Variants in UNKL observed in about 807,000 individuals in gnomAD.
UNKL encodes unk like zinc finger.
In UNKL, 60 loss-of-function variants were observed where a neutral mutation model predicts 78.0. That is an observed-to-expected ratio of 0.77 (90% CI 0.63 to 0.95). The LOEUF is 0.95. Among genes scored for constraint, UNKL ranks in the 40% least tolerant of loss-of-function variants. The pLI is 0.00. For synonymous variants in UNKL, 608 were observed against 474.8 expected (o/e 1.28, Z -3.65); for missense variants, 1,159 against 1,045.7 (o/e 1.11, Z -1.49).
Position 1,390,671 on chromosome 16 carries a change from G to A in UNKL, c.1047C>T (p.Ala349=), listed in dbSNP as rs921180308. 60 of 1,535,932 alleles carry A rather than the reference G, an allele frequency of 3.9e-5. No homozygotes were observed. The East Asian group carries it at 7.1e-4, about 18-fold the overall frequency. ...PGNAKRRDSP[A]EGGPRGSEQD... is the part of the protein sequence containing the mutation. ...GCTCGCTGCCCCTAGGGCCACCCTC[G>A]GCCGGCGAGTCTCTCCGCTTGGCCT... The change falls in exon 9 of 15, where the codon GCC becomes GCT. Residue 349 remains alanine (A), a synonymous_variant. Transcript: ENST00000389221.
intron 10 of UNKL, among the ~76,000 whole-genome samples, chr16:1,374,647 C>A (rs963141581): frequency 1.3e-5 from 2 of 152,114 alleles, no homozygotes; most frequent in East Asian, 1.9e-4. Context: ...CCCGCCCTCG[C>A]AGACCTCCTG....
intron 14 of UNKL, among the ~76,000 whole-genome samples, chr16:1,366,872 G>A (rs1489777092): frequency 6.6e-6 from 1 of 152,222 alleles, no homozygotes. Context: ...GGGTGAAAGG[G>A]CAAGGGCCAG....
intron 10 of UNKL, chr16:1,379,645 C>G (rs2036508366): frequency 4.1e-6 from 4 of 984,936 alleles, no homozygotes; most frequent in Non-Finnish European, 3.6e-6. Flanking sequence ...TGCTGACTCA[C>G]GGTCCGCGGC....
chr16:1,368,587 C>T (rs1448653130), intron 12 of UNKL, among the ~76,000 whole-genome samples: 2 of 108,416 alleles, frequency 1.8e-5, no homozygotes, highest in African/African-American at 3.7e-5. Flanking sequence ...CCGGCCTGGG[C>T]GACAGAATGA....
chr16:1,395,411 CTGCCTCGGCCTCCCAAAG>C (rs2037219122), intron 6 of UNKL, among the ~76,000 whole-genome samples: 1 of 151,944 alleles, frequency 6.6e-6, no homozygotes, highest in African/African-American at 2.4e-5. Flanking sequence ...GGTGATCTGC[CTGCCTCGGCCTCCCAAAG>C]TGCTGGGATT....
chr16:1,381,198 G>A, intron 10 of UNKL, among the ~76,000 whole-genome samples: 1 of 152,128 alleles, frequency 6.6e-6, no homozygotes, highest in Non-Finnish European at 1.5e-5. Flanking sequence ...AGTCCAAGAT[G>A]GTCTCTCTTG....
At chr16:1,394,424 C>T (rs970983328) in intron 6 of UNKL, 5 of 700,712 alleles carry the variant, frequency 7.1e-6, no homozygotes, top group Non-Finnish European at 1.3e-5. Flanking sequence ...GGAACACGCA[C>T]ACATGTGGGG....
rs200811933 is a variant in UNKL at position 1,367,343 on chromosome 16, C to T, written c.1795G>A (p.Asp599Asn). 5.2e-4 allele frequency: 808 copies of T among 1,541,992 alleles called. 3 individuals are homozygous for T. In the African/African-American group the frequency reaches 8.6e-3, roughly 16 times the overall value. ...ESWQQVKQVC[D>N]AWQREAQEAK... is the part of the protein sequence containing the mutation. ...TCCTGCGCCTCTCGCTGCCAGGCAT[C>T]GCAGACCTGAAACCCAGGGCCCGTC... The change falls in exon 14 of 15, where the codon GAT becomes AAT. Residue 599 changes from aspartate to asparagine, a missense_variant. Transcript: ENST00000389221.
chr16:1,381,972 C>A (rs1342703221), intron 10 of UNKL, among the ~76,000 whole-genome samples: 3 of 152,068 alleles, frequency 2.0e-5, no homozygotes, highest in Non-Finnish European at 4.4e-5. Flanking sequence ...TGAACAAAAA[C>A]AAACTCAGGG....
At chr16:1,396,908 C>T (rs1389734543) in intron 6 of UNKL, 2 of 476,916 alleles carry the variant, frequency 4.2e-6, no homozygotes, top group Non-Finnish European at 7.6e-6. Context: ...TTTTAATTGA[C>T]ATTTTCTCTC....
chr16:1,400,449 A>T (rs2037472610), intron 4 of UNKL, among the ~76,000 whole-genome samples: 1 of 126,132 alleles, frequency 7.9e-6, no homozygotes, highest in Middle Eastern at 4.6e-3. Context: ...AAAAAAAAAA[A>T]AAAAAATCGC....
In UNKL at chr16:1,397,228, C is replaced by T; in HGVS notation, c.802G>A (p.Asp268Asn). 4 of 1,545,158 alleles carry T rather than the reference C, an allele frequency of 2.6e-6. No individual in the cohort carries two copies. Among genetic ancestry groups the T allele is most frequent in the South Asian group, 1.2e-5 (1 of 83,984 alleles). Residue 268 changes from aspartate (D) to asparagine (N), a missense_variant, in exon 6 of 15, where the codon GAC becomes AAC. Asp to Asn is a conservative substitution (Grantham distance 23, BLOSUM62 1). Coordinates refer to ENST00000389221, the MANE Select transcript of UNKL (RefSeq NM_001372107.1). Reference sequence around the variant, plus strand: ...CGGGAGTGGCAATACTGGCAGCCGTCGCCGCCATCGCAGCGTGAGGGTTCC... The same window carrying T: ...CGGGAGTGGCAATACTGGCAGCCGTTGCCGCCATCGCAGCGTGAGGGTTCC... ...WGEPSRCDGG[D>N]GCQYCHSRTE...
rs1329764953 is a variant in UNKL at position 1,387,513 on chromosome 16, T to C, written c.1087-2128A>G. Reference sequence around the variant, plus strand: ...GCAACGCACACCTGGGAGCTCCTTGTACCCCGATGGCTTGGATCGGGGAGG... The same window carrying C: ...GCAACGCACACCTGGGAGCTCCTTGCACCCCGATGGCTTGGATCGGGGAGG... On this transcript the variant is annotated intron_variant, in intron 9 of 14. Coordinates refer to ENST00000389221, the MANE Select transcript of UNKL (RefSeq NM_001372107.1). This position sits in a 1 kb window ranked among gnomAD's most constrained non-coding sequence, Gnocchi z 4.1. Among the ~76,000 whole-genome samples the C allele has an allele frequency of 1.3e-5, 2 of 152,160 alleles. No homozygotes were observed. Among genetic ancestry groups the C allele is most frequent in the Non-Finnish European group, 2.9e-5 (2 of 68,012 alleles).
At chr16:1,374,199 G>A (rs139896332) in intron 10 of UNKL, among the ~76,000 whole-genome samples, 10 of 149,244 alleles carry the variant, frequency 6.7e-5, no homozygotes, top group African/African-American at 2.1e-4. Flanking sequence ...GCAGCGTGGG[G>A]CACACCACAC....
At chr16:1,367,979 G>A in intron 12 of UNKL, 121 bp from the exon 13 acceptor site, 1 of 882,306 alleles carries the variant, frequency 1.1e-6, no homozygotes, top group Non-Finnish European at 1.7e-6. Flanking sequence ...CACCTGCCCT[G>A]GCAGCAGGGG....
rs577137667 is a variant in UNKL at position 1,411,019 on chromosome 16, G to A, written c.287+2827C>T. Among the ~76,000 whole-genome samples, 4 of 152,104 alleles carry A rather than the reference G, an allele frequency of 2.6e-5. No individual in the cohort carries two copies. In the South Asian group the frequency reaches 6.2e-4, roughly 24 times the overall value. ...GGCCAAGGTGGGAAGATCGCTTGAG[G>A]CCGGGTAACACAGCGAGACTCCATC... On this transcript the variant is annotated intron_variant, in intron 2 of 14. Transcript: ENST00000389221.
chr16:1,404,640 G>T (rs1267581505), intron 2 of UNKL, among the ~76,000 whole-genome samples: 1 of 152,172 alleles, frequency 6.6e-6, no homozygotes, highest in African/African-American at 2.4e-5. Flanking sequence ...TGGAGGCAGG[G>T]TCTTCAGGAG....
At chr16:1,395,796 G>A (rs761275435) in intron 6 of UNKL, 16 of 455,716 alleles carry the variant, frequency 3.5e-5, no homozygotes, top group South Asian at 1.5e-4. Flanking sequence ...CCCGGACACC[G>A]GACTCCCGAC....
In UNKL at chr16:1,414,628, G is replaced by A. The variant is rs757348344; in HGVS notation, c.64C>T (p.Pro22Ser). The A allele has an allele frequency of 9.0e-7, 1 of 1,112,410 alleles. No individual in the cohort carries two copies. The allele number at this position is 1,112,410 out of a possible 1,614,324, so 68.9% of individuals were successfully genotyped here. Reference protein sequence around the residue: ...LSGSPPQTEKPTHYRYLKEFR... With the variant: ...LSGSPPQTEKSTHYRYLKEFR... ...ACGGGCGCTGACCTGTAGTGGGTCG[G>A]CTTCTCAGTCTGCGGGGGGGACCCG... The change falls in exon 1 of 15, where the codon CCG (proline) becomes TCG (serine). Residue 22 changes from proline to serine, a missense_variant. By Grantham distance (74) the Pro-to-Ser change is moderately conservative. Transcript: ENST00000389221.
Sources: allele counts gnomAD v4.1 joint callset (sites outside exome capture counted in the v4.1 genomes callset), GRCh38; gene constraint gnomAD v4.1.1; non-coding constraint Gnocchi (gnomAD v3.1); transcripts MANE v1.5; gene names NCBI Gene and HGNC (gene_info 2026-07-23, HGNC 2026-07-21).